SESN1: variants seen among roughly 807,000 people sequenced by gnomAD.
The protein encoded by SESN1 is sestrin 1, also known as sestrin-1.
SESN1 carries 30 observed loss-of-function variants against 59.3 expected under a neutral mutation model. The ratio of observed to expected loss-of-function variants is 0.51; its 90% CI spans 0.38 to 0.69. The LOEUF (loss-of-function observed/expected upper bound fraction) is 0.69, where lower values mean the gene tolerates loss of function less well. Ranked by LOEUF, SESN1 falls within the 30% of genes least tolerant of loss-of-function variation. The pLI is 0.00. For synonymous variants in SESN1, 197 were observed against 219.9 expected (o/e 0.90, Z 0.92); for missense variants, 566 against 673.0 (o/e 0.84, Z 1.76).
At chr6:109,046,767 C>T (rs1310047376) in intron 1 of SESN1, among the ~76,000 whole-genome samples, 4 of 139,370 alleles carry the variant, frequency 2.9e-5, no homozygotes, top group South Asian at 2.6e-4. Flanking sequence ...TGCCTCTGCC[C>T]GGCCGAGACC....
At chr6:109,050,623 T>C (rs147611768) in intron 1 of SESN1, among the ~76,000 whole-genome samples, 1,865 of 152,256 alleles carry the variant, frequency 0.012, 28 homozygotes, top group Non-Finnish European at 0.018. Flanking sequence ...TCTATACAAA[T>C]GGGCAGGCAG....
chr6:109,057,557 G>C (rs1226719460), intron 1 of SESN1, among the ~76,000 whole-genome samples: 1 of 152,084 alleles, frequency 6.6e-6, no homozygotes, highest in Non-Finnish European at 1.5e-5. Context: ...TCTAAAGAAA[G>C]GTTCCTCTTA....
intron 7 of SESN1, among the ~76,000 whole-genome samples, chr6:108,992,068 A>G (rs558500265): frequency 5.2e-4 from 79 of 151,970 alleles, no homozygotes; most frequent in African/African-American, 1.9e-3. Flanking sequence ...TTATTCTATA[A>G]CTCTTCCTTG....
At chr6:109,037,100 A>T (rs1317768179) in intron 1 of SESN1, among the ~76,000 whole-genome samples, 1 of 152,184 alleles carries the variant, frequency 6.6e-6, no homozygotes, top group Non-Finnish European at 1.5e-5. Flanking sequence ...AAAACTTTCT[A>T]AGTAGTAAAG....
At chr6:109,009,326 CCCA>C in intron 1 of SESN1, 1 of 1,460,050 alleles carries the variant, frequency 6.8e-7, no homozygotes, top group Admixed American at 2.5e-5. Flanking sequence ...CGCCCAGGTA[CCCA>C]GCGGCCCGCT....
chr6:109,008,478 AAAGTGTCTTCATTT>A (rs1392056941), intron 1 of SESN1, among the ~76,000 whole-genome samples: 1 of 152,264 alleles, frequency 6.6e-6, no homozygotes, highest in East Asian at 1.9e-4. Context: ...CCTTCATGAC[AAAGTGTCTTCATTT>A]AAGTTTCTAT....
chr6:109,054,513 A>T (rs766853762), intron 1 of SESN1, among the ~76,000 whole-genome samples: 2 of 152,146 alleles, frequency 1.3e-5, no homozygotes, highest in Non-Finnish European at 2.9e-5. Context: ...ACCAATTTAC[A>T]TGTCTATAAG....
At chr6:109,062,242 A>G (rs1780746123) in intron 1 of SESN1, among the ~76,000 whole-genome samples, 1 of 152,250 alleles carries the variant, frequency 6.6e-6, no homozygotes, top group Non-Finnish European at 1.5e-5. Context: ...AAAATGAACA[A>G]GGGGAGTTTA....
intron 1 of SESN1, among the ~76,000 whole-genome samples, chr6:109,070,838 G>A (rs761755492): frequency 6.6e-6 from 1 of 152,216 alleles, no homozygotes; most frequent in Non-Finnish European, 1.5e-5. Flanking sequence ...GAACTGGGGT[G>A]AGGCTTGAGA....
intron 1 of SESN1, among the ~76,000 whole-genome samples, chr6:109,036,104 G>C (rs920038166): frequency 6.6e-6 from 1 of 151,978 alleles, no homozygotes; most frequent in Admixed American, 6.6e-5. Flanking sequence ...CCTCTTATTA[G>C]GACCTTTTCC....
intron 1 of SESN1, among the ~76,000 whole-genome samples, chr6:109,057,094 A>G (rs923416460): frequency 3.9e-5 from 6 of 152,158 alleles, no homozygotes; most frequent in Non-Finnish European, 8.8e-5. Context: ...TAGAAAGGAG[A>G]TCTCCAGCTC....
rs1178161424 is a variant in SESN1, at chr6:109,019,386, CAAAGT to C, written c.280-17048_280-17044del. 3.3e-5 allele frequency among the ~76,000 whole-genome samples: 5 copies of C among 152,274 alleles called. No homozygotes were observed. The East Asian group carries it at 9.6e-4, about 29-fold the overall frequency. ...AGCAGAGTGCTGGGGGAATCTAGTT[CAAAGT>C]CTTATTCTCATTAATGCCAAATAGA... On this transcript the variant is annotated intron_variant, in intron 1 of 9. Transcript: ENST00000436639.
chr6:109,067,882 T>C (rs1250096486), intron 1 of SESN1, among the ~76,000 whole-genome samples: 1 of 152,206 alleles, frequency 6.6e-6, no homozygotes, highest in African/African-American at 2.4e-5. Context: ...CTCACCACTA[T>C]GGACTGTATC....
chr6:109,050,388 T>TAAA lies in SESN1; in HGVS notation c.279+43404_279+43406dup, dbSNP rs571788136. 4.9e-3 allele frequency among the ~76,000 whole-genome samples: 658 copies of TAAA among 134,102 alleles called. 6 individuals are homozygous for TAAA. Among genetic ancestry groups the TAAA allele is most frequent in the African/African-American group, 0.016 (606 of 37,106 alleles). 88.0% of individuals were successfully genotyped at this position (134,102 alleles called of 152,430 possible). On this transcript the variant is annotated intron_variant, in intron 1 of 9. Coordinates refer to ENST00000436639, the MANE Select transcript of SESN1 (RefSeq NM_014454.3). ...CACAGAATGCTATTGTTTAAATTGT[T>TAAA]AAAAAAAAAAAAAAAAAGTCATTTT...
chr6:109,061,634 T>A (rs949182202), intron 1 of SESN1, among the ~76,000 whole-genome samples: 6 of 151,998 alleles, frequency 3.9e-5, no homozygotes, highest in Non-Finnish European at 8.8e-5. Context: ...TGAAACCCTG[T>A]CTCTACTAAA....
In SESN1 at chr6:108,987,577, A is replaced by AT; in HGVS notation, c.1622dup (p.Tyr541Ter). The AT allele has an allele frequency of 1.9e-6, 3 of 1,606,478 alleles. No individual in the cohort carries two copies. The highest frequency in any genetic ancestry group is 2.6e-6 in the Non-Finnish European group (3 of 1,173,606). Residue 541 changes from tyrosine to a stop codon, truncating the protein, a stop_gained and frameshift_variant, in exon 10 of 10, where the codon TAT (tyrosine) becomes TAAT (stop). Transcript: ENST00000436639. LOFTEE classifies it high-confidence loss of function. Reference protein sequence around the residue: ...IEARMQAELLYALRAITRYMT With the variant: ...IEARMQAELL ...TATAGCGGGTAATGGCTCTCAGAGC[A>AT]TAAAGGAGTTCTGCTTGCATCCTAG...
chr6:109,002,943 T>A (rs550861776), intron 1 of SESN1, among the ~76,000 whole-genome samples: 290 of 152,276 alleles, frequency 1.9e-3, no homozygotes, highest in African/African-American at 6.5e-3. Flanking sequence ...AGTTTTTTTT[T>A]ATTTACAGGA....
At chr6:108,995,993 C>A (rs139867823) in intron 5 of SESN1, among the ~76,000 whole-genome samples, 3 of 152,118 alleles carry the variant, frequency 2.0e-5, no homozygotes, top group African/African-American at 4.8e-5. Flanking sequence ...TCTAACACAA[C>A]CCTCTCCTCT....
chr6:109,078,210 T>C (rs2114472878), intron 1 of SESN1, among the ~76,000 whole-genome samples: 1 of 152,214 alleles, frequency 6.6e-6, no homozygotes, highest in South Asian at 2.1e-4. Flanking sequence ...AATGAGACCC[T>C]GTCTCTACAA....
Sources: gnomAD v4.1 joint callset for allele counts (sites outside exome capture counted in the v4.1 genomes callset) on GRCh38, gnomAD v4.1.1 for gene constraint, MANE v1.5 for transcripts, NCBI Gene and HGNC (gene_info 2026-07-23, HGNC 2026-07-21) for gene names.